The following USH2A variants were observed in gnomAD, a reference collection of about 807,000 sequenced individuals.
USH2A encodes the protein usherin.
A neutral mutation model predicts 538.9 loss-of-function variants in USH2A; 443 were observed. That is an observed-to-expected ratio of 0.82 (90% CI 0.76 to 0.89). The LOEUF (loss-of-function observed/expected upper bound fraction) is 0.89. Among genes scored for constraint, USH2A ranks in the 40% least tolerant of loss-of-function variants. The pLI is 0.00. For missense variants in USH2A, 6,633 were observed against 6,324.8 expected (o/e 1.05, Z -1.65); for synonymous variants, 2,413 against 2,273.5 (o/e 1.06, Z -1.75).
At chr1:215,707,235 T>C (rs560910417) in intron 61 of USH2A, among the ~76,000 whole-genome samples, 1 of 152,332 alleles carries the variant, frequency 6.6e-6, no homozygotes, top group African/African-American at 2.4e-5. Flanking sequence ...CTGTCTCATA[T>C]GTAGGAGAAA....
chr1:216,197,159 T>G (rs1449579805), intron 18 of USH2A, among the ~76,000 whole-genome samples: 1 of 152,128 alleles, frequency 6.6e-6, no homozygotes, highest in Non-Finnish European at 1.5e-5. Flanking sequence ...TGGCTGAATA[T>G]TATTCTTCAG....
intron 38 of USH2A, among the ~76,000 whole-genome samples, chr1:215,925,737 C>A (rs919723553): frequency 1.2e-4 from 19 of 152,114 alleles, no homozygotes; most frequent in African/African-American, 4.6e-4. Flanking sequence ...TGTACTCTTT[C>A]AATTTTTAAG....
chr1:216,184,434 A>G (rs1381403419), intron 20 of USH2A, among the ~76,000 whole-genome samples: 2 of 152,030 alleles, frequency 1.3e-5, no homozygotes, highest in African/African-American at 4.8e-5. Flanking sequence ...GAAGGACAGC[A>G]ACAAAAGTGT....
At chr1:216,390,351 T>C (rs968760709) in intron 3 of USH2A, among the ~76,000 whole-genome samples, 2 of 152,162 alleles carry the variant, frequency 1.3e-5, no homozygotes, top group Admixed American at 1.3e-4. Context: ...GTCCCTTAAA[T>C]TTCCCACCCA....
At chr1:216,326,491 C>T (rs1002674089) in intron 5 of USH2A, among the ~76,000 whole-genome samples, 7 of 152,104 alleles carry the variant, frequency 4.6e-5, no homozygotes, top group African/African-American at 1.7e-4. Flanking sequence ...GGACCAAAAG[C>T]TACCAGTATA....
In USH2A at chr1:216,406,677, T is replaced by C. The variant is rs148990652; in HGVS notation, c.651+11837A>G. 2.6e-3 allele frequency among the ~76,000 whole-genome samples: 390 copies of C among 152,312 alleles called. 3 individuals carry two copies. The highest frequency in any genetic ancestry group is 9.0e-3 in the African/African-American group (376 of 41,578). ...GCAGGTATTTCAGAGGATTAAATTA[T>C]AATGGTCACTAGTTTTCTCAATATA... is the stretch of plus-strand genomic sequence containing the variant. On this transcript the variant is annotated intron_variant, in intron 3 of 71. Coordinates refer to ENST00000307340, the MANE Select transcript of USH2A (RefSeq NM_206933.4).
chr1:216,246,726 T>G lies in USH2A; in HGVS notation c.2668A>C (p.Thr890Pro). The part of the protein sequence containing the change: ...NQCEPHRYNL[T>P]IDNFQHCQMC... ...TGGCAGTGTTGAAAATTGTCAATGG[T>G]CAAATTGTACCTGTGAGGCTCACAC... The change falls in exon 13 of 72, where the codon ACC (threonine) becomes CCC (proline). Residue 890 changes from threonine (T) to proline (P), a missense_variant. Physicochemically the swap from Thr to Pro is conservative, Grantham distance 38. Coordinates refer to ENST00000307340, the MANE Select transcript of USH2A (RefSeq NM_206933.4). 1 of 1,614,122 alleles carries G rather than the reference T, an allele frequency of 6.2e-7. No homozygotes were observed. The highest frequency in any genetic ancestry group is 1.1e-5 in the South Asian group (1 of 91,084).
intron 43 of USH2A, among the ~76,000 whole-genome samples, chr1:215,874,903 C>T (rs1664719828): frequency 6.6e-6 from 1 of 152,104 alleles, no homozygotes; most frequent in Non-Finnish European, 1.5e-5. Flanking sequence ...CCTGGCCAAA[C>T]AAATAAATCA....
chr1:215,769,451 A>G (rs545285091), intron 55 of USH2A, among the ~76,000 whole-genome samples: 20 of 152,338 alleles, frequency 1.3e-4, no homozygotes, highest in Admixed American at 1.3e-3. Context: ...ATAAAAATAT[A>G]AATTGTCATT....
intron 3 of USH2A, among the ~76,000 whole-genome samples, chr1:216,374,441 T>C (rs2038779262): frequency 6.6e-6 from 1 of 152,130 alleles, no homozygotes. Context: ...GATCATATTA[T>C]ATCTTATCAT....
intron 38 of USH2A, among the ~76,000 whole-genome samples, chr1:215,917,397 A>G (rs1055097332): frequency 6.6e-6 from 1 of 151,994 alleles, no homozygotes; most frequent in Non-Finnish European, 1.5e-5. Flanking sequence ...CATATCTTCA[A>G]TTGGAAAAAT....
intron 9 of USH2A, among the ~76,000 whole-genome samples, chr1:216,307,663 T>A (rs576312173): frequency 1.3e-5 from 2 of 152,318 alleles, no homozygotes; most frequent in Admixed American, 6.5e-5. Flanking sequence ...CTCCTTGTGG[T>A]CTTTCCCCAC....
At chr1:215,766,845 T>G (rs2102748285) in intron 55 of USH2A, 57 bp from the exon 56 acceptor site, 1 of 1,474,430 alleles carries the variant, frequency 6.8e-7, no homozygotes, top group East Asian at 2.3e-5. Context: ...TATTATCAAT[T>G]AAGTACCAGA....
chr1:215,808,891 A>G (rs1389429374), intron 49 of USH2A, among the ~76,000 whole-genome samples: 2 of 152,042 alleles, frequency 1.3e-5, no homozygotes, highest in South Asian at 2.1e-4. Flanking sequence ...GTAAACATAA[A>G]TTTGCTTTTC....
intron 70 of USH2A, among the ~76,000 whole-genome samples, chr1:215,633,066 T>G (rs1029913570): frequency 6.6e-6 from 1 of 152,166 alleles, no homozygotes; most frequent in African/African-American, 2.4e-5. Context: ...CTTAGTGTTA[T>G]GTGGTAAATG....
rs185504429 is a variant in USH2A, at chr1:215,830,577, G to A, written c.9371+7414C>T. Reference sequence around the variant, plus strand: ...ATATCATTCTAGCCAAAAATCCAGGGAAGGAAGTCCAAAGGAGCTGGAAAG... The same window carrying A: ...ATATCATTCTAGCCAAAAATCCAGGAAAGGAAGTCCAAAGGAGCTGGAAAG... On this transcript the variant is annotated intron_variant, in intron 47 of 71. Coordinates refer to ENST00000307340, the MANE Select transcript of USH2A (RefSeq NM_206933.4). Among the ~76,000 whole-genome samples, 366 of 152,278 alleles carry A rather than the reference G, an allele frequency of 2.4e-3. 1 individual carries two copies. The highest frequency in any genetic ancestry group is 6.8e-3 in the Middle Eastern group (2 of 294).
chr1:215,978,761 C>T (rs1046300655), intron 35 of USH2A, among the ~76,000 whole-genome samples: 1 of 152,094 alleles, frequency 6.6e-6, no homozygotes, highest in African/African-American at 2.4e-5. Flanking sequence ...TTAGAGCAGT[C>T]AAGTCTTCCA....
At chr1:216,028,150 A>G (rs953686088) in intron 32 of USH2A, among the ~76,000 whole-genome samples, 1 of 152,076 alleles carries the variant, frequency 6.6e-6, no homozygotes, top group Non-Finnish European at 1.5e-5. Flanking sequence ...CACTTTGGGA[A>G]GCCAAGGTGG....
At chr1:216,348,655 T>A (rs2038222656) in intron 4 of USH2A, among the ~76,000 whole-genome samples, 1 of 152,146 alleles carries the variant, frequency 6.6e-6, no homozygotes, top group African/African-American at 2.4e-5. Flanking sequence ...AGTATAAGAC[T>A]AAAGCTCATT....
Sources: allele counts gnomAD v4.1 joint callset (sites outside exome capture counted in the v4.1 genomes callset), GRCh38; gene constraint gnomAD v4.1.1; transcripts MANE v1.5; gene names NCBI Gene and HGNC (gene_info 2026-07-23, HGNC 2026-07-21).